ZMIZ1: variants seen among roughly 807,000 people sequenced by gnomAD.
ZMIZ1 encodes the protein zinc finger MIZ domain-containing protein 1.
A neutral mutation model predicts 113.9 loss-of-function variants in ZMIZ1; 17 were observed. The observed-to-expected ratio is 0.15, with a 90% CI of 0.10 to 0.22. ZMIZ1 has a LOEUF of 0.22. Among genes scored for constraint, ZMIZ1 ranks in the 10% least tolerant of loss-of-function variants. ZMIZ1 has a pLI of 1.00. For synonymous variants in ZMIZ1, 607 were observed against 603.1 expected (o/e 1.01, Z -0.09); for missense variants, 1,059 against 1,477.8 (o/e 0.72, Z 4.65).
intron 16 of ZMIZ1, among the ~76,000 whole-genome samples, chr10:79,299,440 G>A (rs1854142864): frequency 6.6e-6 from 1 of 152,248 alleles, no homozygotes; most frequent in African/African-American, 2.4e-5. Flanking sequence ...CAGAGGAAAA[G>A]GTGGCTGGCT....
chr10:79,165,839 C>G (rs567161185), intron 4 of ZMIZ1, among the ~76,000 whole-genome samples: 6 of 150,320 alleles, frequency 4.0e-5, no homozygotes, highest in African/African-American at 7.4e-5. Context: ...ACCAGCTCCC[C>G]CTAGGCGGGC....
chr10:79,197,815 T>C (rs1847907148), intron 4 of ZMIZ1, among the ~76,000 whole-genome samples: 1 of 152,034 alleles, frequency 6.6e-6, no homozygotes. Flanking sequence ...CCTGGACCAG[T>C]ACCTGACTCA....
intron 7 of ZMIZ1, among the ~76,000 whole-genome samples, chr10:79,251,447 A>G (rs1850551255): frequency 6.6e-6 from 1 of 151,996 alleles, no homozygotes; most frequent in South Asian, 2.1e-4. Flanking sequence ...CCTCTGGGTC[A>G]CTTGTCCTCC....
chr10:79,187,841 C>T (rs1008991284), intron 4 of ZMIZ1, among the ~76,000 whole-genome samples: 103 of 152,168 alleles, frequency 6.8e-4, no homozygotes, highest in African/African-American at 2.5e-3. Flanking sequence ...CAGCCGGAAC[C>T]CGCGCAGTCT....
intron 2 of ZMIZ1, 47 bp from the exon 3 acceptor site, chr10:79,139,635 C>T (rs116843786): frequency 8.8e-5 from 35 of 398,350 alleles, no homozygotes; most frequent in Non-Finnish European, 1.4e-4. Context: ...GTGGACGGCA[C>T]ACCGGCCTGC....
intron 7 of ZMIZ1, among the ~76,000 whole-genome samples, chr10:79,233,592 G>A (rs1028923642): frequency 6.6e-6 from 1 of 152,208 alleles, no homozygotes; most frequent in Non-Finnish European, 1.5e-5. Flanking sequence ...ACTTAGAGAG[G>A]CACAAACACT....
Position 79,292,284 on chromosome 10 carries a change from T to TACAGCC in ZMIZ1, c.894_899dup (p.Ala301_Thr302dup). The TACAGCC allele has an allele frequency of 6.2e-7, 1 of 1,612,864 alleles. No homozygotes were observed. The highest frequency in any genetic ancestry group is 8.5e-7 in the Non-Finnish European group (1 of 1,179,802). ...CAGTGGCAGCAGCAGCAGCCACAGC[T>TACAGCC]ACAGCCACAGCCACGGCCACTGTGG... On this transcript the variant is annotated inframe_insertion, in exon 11 of 25. Coordinates refer to ENST00000334512, the MANE Select transcript of ZMIZ1 (RefSeq NM_020338.4).
At chr10:79,205,914 T>C (rs1018533834) in intron 5 of ZMIZ1, among the ~76,000 whole-genome samples, 23 of 151,958 alleles carry the variant, frequency 1.5e-4, no homozygotes, top group Admixed American at 9.8e-4. Context: ...CTGGGCAACA[T>C]AGCAAGACGT....
At chr10:79,157,103 C>T (rs1353036401) in intron 3 of ZMIZ1, among the ~76,000 whole-genome samples, 2 of 150,036 alleles carry the variant, frequency 1.3e-5, no homozygotes, top group South Asian at 2.1e-4. Flanking sequence ...AGGACAGTGA[C>T]GAGACGTAGA....
At chr10:79,246,505 C>G (rs1264762178) in intron 7 of ZMIZ1, among the ~76,000 whole-genome samples, 1 of 152,214 alleles carries the variant, frequency 6.6e-6, no homozygotes, top group Non-Finnish European at 1.5e-5. Context: ...GAAGGAACTC[C>G]TCAGTGGGGC....
chr10:79,109,662 C>CT (rs1268719401), intron 1 of ZMIZ1, among the ~76,000 whole-genome samples: 3 of 152,230 alleles, frequency 2.0e-5, no homozygotes, highest in Non-Finnish European at 4.4e-5. Flanking sequence ...TGTGCCAGAC[C>CT]TTGAGGACAG....
intron 1 of ZMIZ1, among the ~76,000 whole-genome samples, chr10:79,114,555 G>A (rs1319065044): frequency 7.2e-6 from 1 of 139,716 alleles, no homozygotes; most frequent in African/African-American, 2.6e-5. Flanking sequence ...GTGGGAGGGA[G>A]AAGGGAGGGA....
chr10:79,069,257 G>T lies in ZMIZ1; in HGVS notation c.-350G>T, dbSNP rs2132134628. The stretch of plus-strand genomic sequence containing the variant: ...CGCGTCCTCCAGCGGCGGCAGCGGC[G>T]CTCGCAGCGCCCGGTAAGTTTGGGG... On this transcript the variant is annotated 5_prime_UTR_variant, in exon 1 of 25. Transcript: ENST00000334512. This position sits in a 1 kb window ranked among gnomAD's most constrained non-coding sequence, Gnocchi z 4.6. 1 of 150,574 alleles carries T rather than the reference G, an allele frequency of 6.6e-6. No homozygotes were observed. Among genetic ancestry groups the T allele is most frequent in the East Asian group, 1.9e-4 (1 of 5,158 alleles). The allele number at this position is 150,574 out of a possible 1,614,324, so 9.3% of individuals were successfully genotyped here. A position where few individuals can be genotyped will look rare whatever the true frequency, so the allele number is the denominator to read the frequency against.
chr10:79,221,555 C>T (rs1443857490), intron 7 of ZMIZ1, among the ~76,000 whole-genome samples: 1 of 152,148 alleles, frequency 6.6e-6, no homozygotes. Context: ...CCACCCCCAC[C>T]TTCCATGCCA....
chr10:79,171,320 C>T (rs1846590081), intron 4 of ZMIZ1, among the ~76,000 whole-genome samples: 1 of 152,224 alleles, frequency 6.6e-6, no homozygotes, highest in South Asian at 2.1e-4. Context: ...AGGCCAGGGC[C>T]TAGAACTTAG....
intron 7 of ZMIZ1, among the ~76,000 whole-genome samples, chr10:79,238,883 C>G (rs1235655971): frequency 1.3e-5 from 2 of 152,156 alleles, no homozygotes; most frequent in Non-Finnish European, 2.9e-5. Flanking sequence ...CCAGCAAGCT[C>G]TCAGTAACCA....
intron 4 of ZMIZ1, among the ~76,000 whole-genome samples, chr10:79,195,859 C>T (rs1467730531): frequency 2.6e-5 from 4 of 152,166 alleles, no homozygotes; most frequent in Admixed American, 1.3e-4. Flanking sequence ...AGCAGCTTTC[C>T]GGCTGTGTCA....
intron 7 of ZMIZ1, among the ~76,000 whole-genome samples, chr10:79,249,022 G>T (rs1448378736): frequency 6.6e-6 from 1 of 152,228 alleles, no homozygotes; most frequent in Non-Finnish European, 1.5e-5. Context: ...CAGCTTCACT[G>T]TGCGCAGAAG....
intron 2 of ZMIZ1, among the ~76,000 whole-genome samples, chr10:79,131,732 A>T (rs570652180): frequency 6.6e-6 from 1 of 151,982 alleles, no homozygotes; most frequent in South Asian, 2.1e-4. Context: ...GGCTGAAGTC[A>T]TGTGATAAAG....
Sources: allele counts gnomAD v4.1 joint callset (sites outside exome capture counted in the v4.1 genomes callset), GRCh38; gene constraint gnomAD v4.1.1; non-coding constraint Gnocchi (gnomAD v3.1); transcripts MANE v1.5; gene names NCBI Gene and HGNC (gene_info 2026-07-23, HGNC 2026-07-21).